The following FHOD3 variants were observed in gnomAD, a reference collection of about 807,000 sequenced individuals.
FHOD3 encodes the protein formin homology 2 domain containing 3, also known as FH1/FH2 domain-containing protein 3.
In FHOD3, 90 loss-of-function variants were observed where a neutral mutation model predicts 173.0. That is an observed-to-expected ratio of 0.52 (90% CI 0.44 to 0.62). FHOD3 has a LOEUF of 0.62. Ranked by LOEUF, FHOD3 falls within the 20% of genes least tolerant of loss-of-function variation. FHOD3 has a pLI of 0.00. For synonymous variants in FHOD3, 828 were observed against 823.0 expected (o/e 1.01, Z -0.10); for missense variants, 1,945 against 2,034.7 (o/e 0.96, Z 0.85).
intron 5 of FHOD3, among the ~76,000 whole-genome samples, chr18:36,567,049 G>A (rs895180035): frequency 2.0e-5 from 3 of 152,130 alleles, no homozygotes; most frequent in African/African-American, 7.2e-5. Context: ...GAGCTCCATT[G>A]TCTAGCCTGG....
intron 10 of FHOD3, among the ~76,000 whole-genome samples, chr18:36,627,542 C>A (rs2034202032): frequency 6.6e-6 from 1 of 152,118 alleles, no homozygotes; most frequent in African/African-American, 2.4e-5. Flanking sequence ...ATGCTGTTTG[C>A]TTCATTCTTT....
intron 14 of FHOD3, among the ~76,000 whole-genome samples, chr18:36,666,179 C>T (rs2037168323): frequency 6.6e-6 from 1 of 152,234 alleles, no homozygotes; most frequent in African/African-American, 2.4e-5. Flanking sequence ...CTTCCCATGG[C>T]CAAGGAGCTC....
At chr18:36,397,173 C>A (rs1355567540) in intron 3 of FHOD3, among the ~76,000 whole-genome samples, 1 of 152,130 alleles carries the variant, frequency 6.6e-6, no homozygotes, top group Non-Finnish European at 1.5e-5. Context: ...TTGGTCAATA[C>A]CCCTCTCAGT....
intron 1 of FHOD3, among the ~76,000 whole-genome samples, chr18:36,325,048 A>G (rs1235593515): frequency 1.3e-5 from 2 of 152,254 alleles, no homozygotes; most frequent in East Asian, 3.8e-4. Flanking sequence ...ACAGATATAT[A>G]GTTGCAAGAA....
chr18:36,743,178 A>T (rs916320218), intron 22 of FHOD3, among the ~76,000 whole-genome samples: 2 of 152,024 alleles, frequency 1.3e-5, no homozygotes, highest in Non-Finnish European at 2.9e-5. Flanking sequence ...GCATGGCAGC[A>T]CGCACCTGTA....
intron 25 of FHOD3, among the ~76,000 whole-genome samples, chr18:36,758,389 T>G (rs1250196117): frequency 6.6e-6 from 1 of 152,252 alleles, no homozygotes; most frequent in Non-Finnish European, 1.5e-5. Flanking sequence ...AGAAGAGAGA[T>G]ATTTTATTTA....
At chr18:36,451,945 C>T (rs1396409404) in intron 3 of FHOD3, among the ~76,000 whole-genome samples, 1 of 152,164 alleles carries the variant, frequency 6.6e-6, no homozygotes, top group Non-Finnish European at 1.5e-5. Context: ...CCCCCAGTTC[C>T]TTTTCCTGCA....
chr18:36,501,720 A>G (rs1379699412), intron 3 of FHOD3, among the ~76,000 whole-genome samples: 3 of 152,138 alleles, frequency 2.0e-5, no homozygotes, highest in Non-Finnish European at 4.4e-5. Context: ...AATCTGTCCC[A>G]TCTACACATT....
At chr18:36,311,678 C>T (rs1420609882) in intron 1 of FHOD3, among the ~76,000 whole-genome samples, 2 of 152,182 alleles carry the variant, frequency 1.3e-5, no homozygotes, top group Non-Finnish European at 2.9e-5. Context: ...CACACCTGCA[C>T]CCCCACCACA....
At chr18:36,650,822 G>T (rs1387516136) in intron 11 of FHOD3, among the ~76,000 whole-genome samples, 1 of 152,188 alleles carries the variant, frequency 6.6e-6, no homozygotes, top group African/African-American at 2.4e-5. Flanking sequence ...TGTTAATGGT[G>T]TGCTGTCTCT....
intron 4 of FHOD3, among the ~76,000 whole-genome samples, chr18:36,511,417 A>G (rs1328932953): frequency 6.6e-6 from 1 of 151,380 alleles, no homozygotes; most frequent in Non-Finnish European, 1.5e-5. Flanking sequence ...TTTATCTGTA[A>G]AGAAAAGCTA....
At chr18:36,663,074 T>C (rs1235753222) in intron 14 of FHOD3, among the ~76,000 whole-genome samples, 1 of 152,250 alleles carries the variant, frequency 6.6e-6, no homozygotes, top group Non-Finnish European at 1.5e-5. Flanking sequence ...TTCAATTTCA[T>C]GAGTAAATCT....
At chr18:36,390,459 G>A (rs1336232649) in intron 3 of FHOD3, among the ~76,000 whole-genome samples, 1 of 152,172 alleles carries the variant, frequency 6.6e-6, no homozygotes, top group Non-Finnish European at 1.5e-5. Context: ...CTGCTGTTCT[G>A]GAGGAGACAG....
Position 36,540,586 on chromosome 18 carries a change from G to T in FHOD3, c.511+28043G>T, listed in dbSNP as rs960822089. On this transcript the variant is annotated intron_variant, in intron 5 of 28. Coordinates refer to ENST00000590592, the MANE Select transcript of FHOD3 (RefSeq NM_001281740.3). ...TCCAGGTCTGCTTCTTCCTGACCAG[G>T]TTCTACTTAACTCAATGGCACCCAG... Among the ~76,000 whole-genome samples, 8 of 152,200 alleles carry T rather than the reference G, an allele frequency of 5.3e-5. No individual in the cohort carries two copies. The East Asian group carries it at 1.5e-3, about 29-fold the overall frequency.
rs192459459 is a variant in FHOD3 at position 36,614,538 on chromosome 18, T to C, written c.957+2443T>C. ...CCTAGAAGTGAAATTGCTGGTCATA[T>C]GGTAACTATCTTTAACTGATTGAGG... On this transcript the variant is annotated intron_variant, in intron 9 of 28. Coordinates refer to ENST00000590592, the MANE Select transcript of FHOD3 (RefSeq NM_001281740.3). Among the ~76,000 whole-genome samples, 5 of 152,358 alleles carry C rather than the reference T, an allele frequency of 3.3e-5. No homozygotes were observed. The East Asian group carries it at 9.6e-4, about 29-fold the overall frequency.
At chr18:36,499,968 C>T (rs531787618) in intron 3 of FHOD3, among the ~76,000 whole-genome samples, 141 of 152,282 alleles carry the variant, frequency 9.3e-4, no homozygotes, top group Non-Finnish European at 1.9e-3. Flanking sequence ...CTCCCCAGAC[C>T]CCCACCCTAC....
chr18:36,591,471 C>T (rs912843644), intron 6 of FHOD3, among the ~76,000 whole-genome samples: 14 of 152,282 alleles, frequency 9.2e-5, no homozygotes, highest in African/African-American at 2.4e-4. Context: ...ATTCAGAGGA[C>T]GGGCTGGCCT....
chr18:36,536,556 G>A (rs1458271016), intron 5 of FHOD3, among the ~76,000 whole-genome samples: 1 of 152,194 alleles, frequency 6.6e-6, no homozygotes, highest in African/African-American at 2.4e-5. Flanking sequence ...TGAGCTCTGT[G>A]CTGGCTCTGC....
chr18:36,760,900 A>T, intron 27 of FHOD3, 118 bp downstream of exon 27: 1 of 1,022,868 alleles, frequency 9.8e-7, no homozygotes, highest in Admixed American at 2.9e-5. Context: ...TCCAGTGCCA[A>T]CCTAACCACA....
Sources: gnomAD v4.1 joint callset for allele counts (sites outside exome capture counted in the v4.1 genomes callset) on GRCh38, gnomAD v4.1.1 for gene constraint, MANE v1.5 for transcripts, NCBI Gene and HGNC (gene_info 2026-07-23, HGNC 2026-07-21) for gene names.